CDH11: variants seen among roughly 807,000 people sequenced by gnomAD.
CDH11 encodes cadherin-11.
In CDH11, 11 loss-of-function variants were observed where a neutral mutation model predicts 67.8. The ratio of observed to expected loss-of-function variants is 0.16; its 90% CI spans 0.10 to 0.27. The LOEUF is 0.27. Among genes scored for constraint, CDH11 ranks in the 10% least tolerant of loss-of-function variants. The pLI, the probability that CDH11 is intolerant of heterozygous loss-of-function variation, is 1.00. For synonymous variants in CDH11, 419 were observed against 400.0 expected (o/e 1.05, Z -0.57); for missense variants, 847 against 1,031.2 (o/e 0.82, Z 2.45).
intron 2 of CDH11, among the ~76,000 whole-genome samples, chr16:65,031,883 G>A (rs965475670): frequency 1.3e-5 from 2 of 152,124 alleles, no homozygotes; most frequent in South Asian, 2.1e-4. Context: ...TAATTTTGGT[G>A]TCTGTCCCTT....
intron 1 of CDH11, among the ~76,000 whole-genome samples, chr16:65,087,216 C>T (rs1182295656): frequency 6.6e-6 from 1 of 152,192 alleles, no homozygotes; most frequent in Non-Finnish European, 1.5e-5. Context: ...GCAATTTCAA[C>T]ATCTTAATCC....
In CDH11 at chr16:64,951,009, G is replaced by C. The variant is rs138180051; in HGVS notation, c.1652C>G (p.Ala551Gly). 93 of 1,612,886 alleles carry C rather than the reference G, an allele frequency of 5.8e-5. No individual in the cohort carries two copies. The highest frequency in any genetic ancestry group is 7.6e-5 in the Non-Finnish European group (90 of 1,179,430). The part of the protein sequence containing the change: ...FTVRDNRDNT[A>G]GVYARRGGFS... The stretch of plus-strand genomic sequence containing the variant: ...CCCTCCACGCCGGGCGTACACGCCT[G>C]CTGTGTTATCTGCAGAAAGAGGGGA... Residue 551 changes from alanine (A) to glycine (G), a missense_variant, in exon 12 of 13, where the codon GCA becomes GGA. Transcript: ENST00000268603.
chr16:65,060,959 C>T (rs977842126), intron 1 of CDH11, among the ~76,000 whole-genome samples: 3 of 152,216 alleles, frequency 2.0e-5, no homozygotes, highest in Non-Finnish European at 2.9e-5. Context: ...TACTGCTGTT[C>T]CTGAGCCTGG....
Position 65,122,059 on chromosome 16 carries a change from G to C in CDH11, c.-477C>G. On this transcript the variant is annotated 5_prime_UTR_variant, in exon 1 of 13. Transcript: ENST00000268603. ...GCTCCCCTCAGCTGGCGGCGGCCGC[G>C]GAATGAGCCGCCGAGCGCGCTAGTG... 1 of 616,322 alleles carries C rather than the reference G, an allele frequency of 1.6e-6. No individual in the cohort carries two copies. Among genetic ancestry groups the C allele is most frequent in the Non-Finnish European group, 2.9e-6 (1 of 342,608 alleles). 38.2% of individuals were successfully genotyped at this position (616,322 alleles called of 1,614,324 possible).
intron 11 of CDH11, among the ~76,000 whole-genome samples, chr16:64,952,792 T>C (rs1414432741): frequency 1.3e-5 from 2 of 152,108 alleles, no homozygotes; most frequent in African/African-American, 4.8e-5. Flanking sequence ...GCTGGTAGGC[T>C]TTAAATAGGT....
At chr16:65,015,639 T>C (rs900158812) in intron 2 of CDH11, among the ~76,000 whole-genome samples, 1 of 152,086 alleles carries the variant, frequency 6.6e-6, no homozygotes, top group African/African-American at 2.4e-5. Flanking sequence ...GGGGGAAAAA[T>C]AAAGCACTCA....
intron 11 of CDH11, among the ~76,000 whole-genome samples, chr16:64,961,142 T>C (rs1192187010): frequency 9.9e-5 from 15 of 152,080 alleles, no homozygotes; most frequent in Admixed American, 9.8e-4. Context: ...GAGGCTATCA[T>C]AGGGAATCTA....
chr16:65,027,474 T>C (rs962967674), intron 2 of CDH11, among the ~76,000 whole-genome samples: 1 of 152,138 alleles, frequency 6.6e-6, no homozygotes, highest in African/African-American at 2.4e-5. Context: ...TCATACACCA[T>C]TGGTTGGGCA....
intron 4 of CDH11, among the ~76,000 whole-genome samples, chr16:64,993,769 A>G (rs2072692465): frequency 6.6e-6 from 1 of 152,158 alleles, no homozygotes; most frequent in African/African-American, 2.4e-5. Context: ...GCTGGTCACA[A>G]ATAGCAAGTA....
chr16:64,959,849 G>A lies in CDH11; in HGVS notation c.1643-8831C>T, dbSNP rs76190205. Among the ~76,000 whole-genome samples the A allele has an allele frequency of 2.8e-3, 420 of 152,240 alleles. 2 individuals are homozygous for A. The highest frequency in any genetic ancestry group is 0.017 in the Middle Eastern group (5 of 294). On this transcript the variant is annotated intron_variant, in intron 11 of 12. Coordinates refer to ENST00000268603, the MANE Select transcript of CDH11 (RefSeq NM_001797.4). ...TGCTCATAAAAAATGTCCTTAGTTCGGGGGGAAAACAGAAAGAAAGGCATT... is the reference window on the plus strand; with the variant it reads ...TGCTCATAAAAAATGTCCTTAGTTCAGGGGGAAAACAGAAAGAAAGGCATT...
At chr16:64,974,371 G>A (rs983671148) in intron 8 of CDH11, among the ~76,000 whole-genome samples, 2 of 152,086 alleles carry the variant, frequency 1.3e-5, no homozygotes, top group African/African-American at 4.8e-5. Flanking sequence ...ATTCAGTGAT[G>A]GTCAAAAATC....
intron 1 of CDH11, among the ~76,000 whole-genome samples, chr16:65,075,776 ACT>A (rs1272694057): frequency 6.6e-6 from 1 of 152,130 alleles, no homozygotes; most frequent in African/African-American, 2.4e-5. Context: ...GGATACACCA[ACT>A]CTCTCCCAAA....
intron 2 of CDH11, among the ~76,000 whole-genome samples, chr16:65,019,232 T>A (rs2073375345): frequency 6.6e-6 from 1 of 152,320 alleles, no homozygotes; most frequent in Admixed American, 6.5e-5. Flanking sequence ...AATTTACAAT[T>A]TGATTTTGGC....
chr16:65,116,752 G>GGA lies in CDH11; in HGVS notation c.-298+5126_-298+5127dup, dbSNP rs1414468814. Among the ~76,000 whole-genome samples the GGA allele has an allele frequency of 5.3e-3, 761 of 143,462 alleles. 7 individuals are homozygous for GGA. The highest frequency in any genetic ancestry group is 0.018 in the African/African-American group (734 of 40,800). 94.1% of individuals were successfully genotyped at this position (143,462 alleles called of 152,430 possible). ...TTCAGCTCTTCAATTGGCTTAATAAGGATAGAGAGAGAGAGAGAGAGGTAC... is the reference window on the plus strand; with the variant it reads ...TTCAGCTCTTCAATTGGCTTAATAAGGAGATAGAGAGAGAGAGAGAGAGGTAC... On this transcript the variant is annotated intron_variant, in intron 1 of 12. Transcript: ENST00000268603.
chr16:65,027,369 G>C (rs2073554608), intron 2 of CDH11, among the ~76,000 whole-genome samples: 1 of 152,216 alleles, frequency 6.6e-6, no homozygotes, highest in Non-Finnish European at 1.5e-5. Context: ...TATGCAGCTG[G>C]AGATGGGATT....
intron 4 of CDH11, among the ~76,000 whole-genome samples, chr16:64,994,347 C>T (rs1367797650): frequency 6.6e-6 from 1 of 152,140 alleles, no homozygotes; most frequent in Non-Finnish European, 1.5e-5. Flanking sequence ...TCTGCTACAT[C>T]CTTTACAATG....
At chr16:65,055,471 T>C (rs932007477) in intron 1 of CDH11, among the ~76,000 whole-genome samples, 3 of 152,144 alleles carry the variant, frequency 2.0e-5, no homozygotes, top group African/African-American at 7.2e-5. Flanking sequence ...TTTTCCAATT[T>C]CTCCCTTTCA....
chr16:65,060,676 A>G (rs2074224438), intron 1 of CDH11, among the ~76,000 whole-genome samples: 2 of 152,086 alleles, frequency 1.3e-5, no homozygotes, highest in Admixed American at 6.6e-5. Flanking sequence ...AGCTGATTTT[A>G]TTTTACTTAT....
intron 1 of CDH11, among the ~76,000 whole-genome samples, chr16:65,111,712 C>CAA (rs1567586098): frequency 1.4e-5 from 2 of 148,118 alleles, no homozygotes; most frequent in African/African-American, 2.5e-5. Context: ...CACACACACA[C>CAA]AAATGGGGAG....
Sources: gnomAD v4.1 joint callset for allele counts (sites outside exome capture counted in the v4.1 genomes callset) on GRCh38, gnomAD v4.1.1 for gene constraint, MANE v1.5 for transcripts, NCBI Gene and HGNC (gene_info 2026-07-23, HGNC 2026-07-21) for gene names.